Variants in CHODL observed in about 807,000 individuals in gnomAD.
CHODL encodes the protein transmembrane protein MT75.
In CHODL, 29 loss-of-function variants were observed where a neutral mutation model predicts 34.5. The observed-to-expected ratio is 0.84, with a 90% CI of 0.63 to 1.15. CHODL has a LOEUF of 1.15. CHODL is among the 50% of genes most tolerant of loss of function. The probability of loss-of-function intolerance (pLI) is 0.00; values close to 1 mark genes in which losing one functional copy is unlikely to be tolerated. For missense variants in CHODL, 332 were observed against 332.5 expected, an observed-to-expected ratio of 1.00 and a Z score of 0.01; for synonymous variants, 125 against 116.1, an observed-to-expected ratio of 1.08 and a Z score of -0.49.
At chr21:18,253,089 A>G (rs2074277287) in intron 1 of CHODL, among the ~76,000 whole-genome samples, 1 of 152,258 alleles carries the variant, frequency 6.6e-6, no homozygotes, top group East Asian at 1.9e-4. Context: ...TAAAGCTCTC[A>G]TGCATTTAAT....
At chr21:18,102,917 T>C (rs2065232289) in intron 2 of CHODL, among the ~76,000 whole-genome samples, 1 of 152,200 alleles carries the variant, frequency 6.6e-6, no homozygotes, top group Non-Finnish European at 1.5e-5. Flanking sequence ...ATTTCTGCTT[T>C]ATCATCCTGA....
chr21:18,129,607 C>T (rs1487746683), intron 2 of CHODL, among the ~76,000 whole-genome samples: 1 of 152,142 alleles, frequency 6.6e-6, no homozygotes, highest in Non-Finnish European at 1.5e-5. Flanking sequence ...TTGAGTGATC[C>T]TAACATCATC....
intron 1 of CHODL, among the ~76,000 whole-genome samples, chr21:17,937,680 G>C (rs937446050): frequency 1.3e-5 from 2 of 151,746 alleles, no homozygotes; most frequent in East Asian, 3.9e-4. Context: ...TTTTACACTT[G>C]GCTCTTTATA....
At chr21:17,925,877 G>A (rs2063218425) in intron 1 of CHODL, among the ~76,000 whole-genome samples, 1 of 152,166 alleles carries the variant, frequency 6.6e-6, no homozygotes, top group Non-Finnish European at 1.5e-5. Context: ...GTTTAGTAAT[G>A]TAGTGATTAT....
At chr21:18,202,516 AG>A (rs1241563664) in intron 2 of CHODL, among the ~76,000 whole-genome samples, 4 of 152,208 alleles carry the variant, frequency 2.6e-5, no homozygotes, top group Admixed American at 1.3e-4. Context: ...AGACATAGAA[AG>A]AAGGTGGCTG....
Position 17,956,081 on chromosome 21 carries a change from G to C in CHODL, c.-145+38681G>C, listed in dbSNP as rs918607712. On this transcript the variant is annotated intron_variant, in intron 1 of 6. Transcript: ENST00000400127. ...AAGAGAAGCATCTCCATCTGATATA[G>C]TTTGAATATTTGTCTGCATCCAAAT... 5.1e-5 allele frequency among the ~76,000 whole-genome samples: 7 copies of C among 136,452 alleles called. 1 individual carries two copies. Among genetic ancestry groups the C allele is most frequent in the Non-Finnish European group, 8.3e-5 (5 of 60,076 alleles). 89.5% of individuals were successfully genotyped at this position (136,452 alleles called of 152,430 possible). A position where few individuals can be genotyped will look rare whatever the true frequency, so the allele number is the denominator to read the frequency against.
chr21:18,227,491 A>G (rs1363712628), intron 2 of CHODL, among the ~76,000 whole-genome samples: 1 of 152,168 alleles, frequency 6.6e-6, no homozygotes, highest in African/African-American at 2.4e-5. Flanking sequence ...TGCCTTGTCT[A>G]TGTAATACTC....
rs2063492871 is a variant in CHODL, at chr21:17,956,221, C to T, written c.-145+38821C>T. 1.5e-5 allele frequency among the ~76,000 whole-genome samples: 2 copies of T among 134,980 alleles called. 1 individual carries two copies. Among genetic ancestry groups the T allele is most frequent in the Non-Finnish European group, 3.4e-5 (2 of 59,512 alleles). The allele number at this position is 134,980 out of a possible 152,430, so 88.6% of individuals were successfully genotyped here. A position where few individuals can be genotyped will look rare whatever the true frequency, so the allele number is the denominator to read the frequency against. On this transcript the variant is annotated intron_variant, in intron 1 of 6. Transcript: ENST00000400127. The stretch of plus-strand genomic sequence containing the variant: ...GGTCATCTCCTTGATGACAAGTGAA[C>T]TCTTGCACTGAATTCACATGAGATC...
chr21:17,918,997 A>G (rs891728305), intron 1 of CHODL, among the ~76,000 whole-genome samples: 4 of 152,220 alleles, frequency 2.6e-5, no homozygotes, highest in African/African-American at 9.6e-5. Context: ...TCCATGCCTC[A>G]CACCCAGGTC....
chr21:17,988,717 A>C (rs1180239703), intron 1 of CHODL, among the ~76,000 whole-genome samples: 4 of 150,832 alleles, frequency 2.7e-5, no homozygotes, highest in African/African-American at 4.9e-5. Context: ...GTCCCTACAA[A>C]GGACATGAAC....
At chr21:18,128,918 C>G (rs2072616104) in intron 2 of CHODL, among the ~76,000 whole-genome samples, 1 of 152,026 alleles carries the variant, frequency 6.6e-6, no homozygotes, top group South Asian at 2.1e-4. Flanking sequence ...TCTTTTATCT[C>G]TCTAAAATCA....
intron 2 of CHODL, among the ~76,000 whole-genome samples, chr21:18,151,453 A>C (rs931744888): frequency 6.6e-6 from 1 of 152,206 alleles, no homozygotes; most frequent in Non-Finnish European, 1.5e-5. Context: ...CCCTTCCTCC[A>C]TAACTCACCC....
In CHODL at chr21:18,126,595, A is replaced by AT. The variant is rs112117170; in HGVS notation, c.-45+98637dup. Among the ~76,000 whole-genome samples, 816 of 141,194 alleles carry AT rather than the reference A, an allele frequency of 5.8e-3. 2 individuals are homozygous for AT. The highest frequency in any genetic ancestry group is 0.011 in the Middle Eastern group (3 of 270). The allele number at this position is 141,194 out of a possible 152,430, so 92.6% of individuals were successfully genotyped here. A position where few individuals can be genotyped will look rare whatever the true frequency, so the allele number is the denominator to read the frequency against. Reference sequence around the variant, plus strand: ...ATCCATGAACACGGGATATCTTTTCATTTTTTTTTTTTTGCATCTTCTTCA... The same window carrying AT: ...ATCCATGAACACGGGATATCTTTTCATTTTTTTTTTTTTTGCATCTTCTTCA... On this transcript the variant is annotated intron_variant, in intron 2 of 6. Transcript: ENST00000400127.
Position 18,262,851 on chromosome 21 carries a change from T to C in CHODL, c.695T>C (p.Leu232Pro). ...IPTIPLLLLILVAFGTCCFQM... is the reference protein window; with the variant it reads ...IPTIPLLLLIPVAFGTCCFQM... ...ACAATACCCCTGCTCTTACTGATAC[T>C]GGTTGCTTTTGGAACCTGTTGTTTC... is the stretch of plus-strand genomic sequence containing the variant. Residue 232 changes from leucine (L) to proline (P), a missense_variant, in exon 5 of 6, where the codon CTG (leucine) becomes CCG (proline). Leu to Pro is a moderately conservative substitution (Grantham distance 98). Transcript: ENST00000299295. The C allele has an allele frequency of 1.2e-6, 2 of 1,611,102 alleles. No homozygotes were observed. Among genetic ancestry groups the C allele is most frequent in the Non-Finnish European group, 8.5e-7 (1 of 1,177,652 alleles).
intron 2 of CHODL, among the ~76,000 whole-genome samples, chr21:18,028,323 C>CTTCCTTCCTTACTTCT (rs1481825880): frequency 1.9e-5 from 2 of 107,940 alleles, no homozygotes; most frequent in African/African-American, 7.6e-5. Context: ...TCCTTCCTTC[C>CTTCCTTCCTTACTTCT]TTCCTTCCTC....
chr21:17,992,285 A>G (rs1354298139), intron 1 of CHODL, among the ~76,000 whole-genome samples: 1 of 151,930 alleles, frequency 6.6e-6, no homozygotes, highest in Non-Finnish European at 1.5e-5. Context: ...TTTGTTTAGT[A>G]TTGCTTTGGC....
intron 1 of CHODL, 46 bp downstream of exon 1, chr21:18,245,348 C>A (rs1286202556): frequency 2.1e-6 from 3 of 1,432,932 alleles, no homozygotes; most frequent in South Asian, 2.7e-5. Flanking sequence ...GGAGAGGGGA[C>A]CACGGGGCGC....
intron 2 of CHODL, among the ~76,000 whole-genome samples, chr21:18,065,361 A>G (rs369673355): frequency 3.3e-5 from 5 of 152,190 alleles, no homozygotes; most frequent in African/African-American, 1.2e-4. Flanking sequence ...ACCAAAAAAT[A>G]TTGTATGATG....
chr21:18,231,524 C>A (rs1204302217), intron 2 of CHODL, among the ~76,000 whole-genome samples: 8 of 131,910 alleles, frequency 6.1e-5, no homozygotes, highest in African/African-American at 1.6e-4. Flanking sequence ...ATTCAAATAT[C>A]CAGGTTGTAG....
Sources: gnomAD v4.1 joint callset for allele counts (sites outside exome capture counted in the v4.1 genomes callset) on GRCh38, gnomAD v4.1.1 for gene constraint, MANE v1.5 for transcripts, NCBI Gene and HGNC (gene_info 2026-07-23, HGNC 2026-07-21) for gene names.